Variants in PRMT2 observed in about 807,000 individuals in gnomAD.
The protein encoded by PRMT2 is protein arginine N-methyltransferase 2.
In PRMT2, 26 loss-of-function variants were observed where a neutral mutation model predicts 57.6. That is an observed-to-expected ratio of 0.45 (90% confidence interval 0.33 to 0.63). The LOEUF (loss-of-function observed/expected upper bound fraction) is 0.63. Among genes scored for constraint, PRMT2 ranks in the 20% least tolerant of loss-of-function variants. PRMT2 has a pLI of 0.02. For missense variants in PRMT2, 472 were observed against 564.4 expected (o/e 0.84, Z 1.66); for synonymous variants, 219 against 220.0 (o/e 1.00, Z 0.04).
chr21:46,660,989 C>T (rs1340517053), intron 9 of PRMT2, 27 bp downstream of exon 9: 4 of 1,603,202 alleles, frequency 2.5e-6, no homozygotes, highest in Middle Eastern at 1.7e-4. Context: ...TTGCTCCTTA[C>T]ATTCGATAAT....
At chr21:46,646,009 C>T (rs1024812400) in intron 5 of PRMT2, among the ~76,000 whole-genome samples, 4 of 152,084 alleles carry the variant, frequency 2.6e-5, no homozygotes, top group Non-Finnish European at 5.9e-5. Flanking sequence ...CCATTGCGCC[C>T]GGCCGGAAGG....
intron 8 of PRMT2, 91 bp downstream of exon 8, chr21:46,659,011 G>T: frequency 6.7e-7 from 1 of 1,495,496 alleles, no homozygotes; most frequent in Non-Finnish European, 8.9e-7. Context: ...GATCCCATAC[G>T]ACGGTTGGAT....
chr21:46,644,310 GTTT>G lies in PRMT2; in HGVS notation c.153_155del (p.Phe51del), dbSNP rs1173770323. 1.2e-6 allele frequency: 2 copies of G among 1,600,188 alleles called. No homozygotes were observed. Among genetic ancestry groups the G allele is most frequent in the Admixed American group, 3.6e-5 (2 of 56,116 alleles). ...TTTTAACTTTTTTTTTTCCAGCTCA[GTTT>G]TTTGAGAGGAGAAAAAATTCTTATC... On this transcript the variant is annotated inframe_deletion, in exon 5 of 12. Coordinates refer to ENST00000355680, the MANE Select transcript of PRMT2 (RefSeq NM_206962.4).
Position 46,660,903 on chromosome 21 carries a change from T to C in PRMT2, c.901T>C (p.Ser301Pro), listed in dbSNP as rs745876468. 1 of 1,613,664 alleles carries C rather than the reference T, an allele frequency of 6.2e-7. No homozygotes were observed. Among genetic ancestry groups the C allele is most frequent in the South Asian group, 1.1e-5 (1 of 91,076 alleles). Reference sequence around the variant, plus strand: ...CATTTTGAAACCAGAAGACTGTCTCTCTGAACCGTGCACTATATTGCAGTT... The same window carrying C: ...CATTTTGAAACCAGAAGACTGTCTCCCTGAACCGTGCACTATATTGCAGTT... ...NHILKPEDCL[S>P]EPCTILQLDM... is the part of the protein sequence containing the mutation. The change falls in exon 9 of 12, where the codon TCT becomes CCT. Residue 301 changes from serine to proline, a missense_variant. Ser to Pro is a moderately conservative substitution (Grantham distance 74). This residue lies in a region of PRMT2 where 229 missense variants were observed against 217.2 expected (regional missense o/e 1.05). Coordinates refer to ENST00000355680, the MANE Select transcript of PRMT2 (RefSeq NM_206962.4).
chr21:46,664,205 C>T, intron 11 of PRMT2, 90 bp from the exon 12 acceptor site: 1 of 1,177,928 alleles, frequency 8.5e-7, no homozygotes, highest in South Asian at 1.2e-5. Flanking sequence ...GAATACTGTT[C>T]TCTTGTCCAA....
intron 7 of PRMT2, among the ~76,000 whole-genome samples, chr21:46,650,899 CTG>C (rs1474943852): frequency 1.3e-5 from 2 of 152,186 alleles, no homozygotes; most frequent in African/African-American, 2.4e-5. Context: ...ATTGGCCAGA[CTG>C]TGTTGCATCA....
At chr21:46,660,115 C>G (rs746677812) in intron 8 of PRMT2, 3 of 971,232 alleles carry the variant, frequency 3.1e-6, no homozygotes, top group Non-Finnish European at 3.7e-6. Context: ...ATAGTGGAAT[C>G]TTTATTAAAA....
chr21:46,647,552 A>G (rs1013558531), intron 5 of PRMT2, among the ~76,000 whole-genome samples: 7 of 152,068 alleles, frequency 4.6e-5, no homozygotes, highest in African/African-American at 1.7e-4. Context: ...GAGTGGCTGG[A>G]GTGCGGTGGT....
At chr21:46,643,670 G>C in intron 4 of PRMT2, 31 bp downstream of exon 4, 1 of 1,569,836 alleles carries the variant, frequency 6.4e-7, no homozygotes, top group Non-Finnish European at 8.6e-7. Flanking sequence ...ATGCTTTATG[G>C]CTTTCAGCAT....
chr21:46,644,494 G>A lies in PRMT2; in HGVS notation c.327+6G>A, dbSNP rs2061331481. On this transcript the variant is annotated splice_donor_region_variant and intron_variant, in intron 5 of 11. Transcript: ENST00000355680. ...TCGGCAGCTATGGAACTCTGGTATT[G>A]CTTTCTAAATTCCCTGTTCAGCTGG... is the stretch of plus-strand genomic sequence containing the variant. The A allele has an allele frequency of 6.4e-7, 1 of 1,568,834 alleles. No homozygotes were observed. The highest frequency in any genetic ancestry group is 2.3e-5 in the East Asian group (1 of 43,666).
chr21:46,649,000 G>A lies in PRMT2; in HGVS notation c.489+381G>A, dbSNP rs1471701620. Among the ~76,000 whole-genome samples, 1 of 152,134 alleles carries A rather than the reference G, an allele frequency of 6.6e-6. No individual in the cohort carries two copies. Among genetic ancestry groups the A allele is most frequent in the African/African-American group, 2.4e-5 (1 of 41,406 alleles). ...TGGTTGGTCTCATGGGGTTGGGAGG[G>A]ATGCACACGCTGGGCCCCCTCCCCA... is the stretch of plus-strand genomic sequence containing the variant. On this transcript the variant is annotated intron_variant, in intron 6 of 11. Coordinates refer to ENST00000355680, the MANE Select transcript of PRMT2 (RefSeq NM_206962.4). The surrounding 1 kb of genome is among the most constrained non-coding windows in gnomAD (Gnocchi z 4.8).
intron 3 of PRMT2, among the ~76,000 whole-genome samples, chr21:46,637,803 A>T (rs1294174867): frequency 1.3e-5 from 2 of 151,960 alleles, no homozygotes; most frequent in Non-Finnish European, 2.9e-5. Flanking sequence ...ATATATATGT[A>T]TATGTAAAAA....
chr21:46,654,040 G>A (rs2148992376), intron 7 of PRMT2: 1 of 988,138 alleles, frequency 1.0e-6, no homozygotes, highest in South Asian at 4.6e-5. Context: ...TTCACCTCGG[G>A]GGAGGAGGAA....
Position 46,648,644 on chromosome 21 carries a change from C to G in PRMT2, c.489+25C>G. 2 of 1,605,236 alleles carry G rather than the reference C, an allele frequency of 1.2e-6. No homozygotes were observed. Among genetic ancestry groups the G allele is most frequent in the Non-Finnish European group, 1.7e-6 (2 of 1,172,900 alleles). ...GGTGAGTGGGGTCTCGAGCGCATCCCGGGTGTTTGTGCCGAGGCTGGTGAC... is the reference window on the plus strand; with the variant it reads ...GGTGAGTGGGGTCTCGAGCGCATCCGGGGTGTTTGTGCCGAGGCTGGTGAC... On this transcript the variant is annotated intron_variant, in intron 6 of 11. Coordinates refer to ENST00000355680, the MANE Select transcript of PRMT2 (RefSeq NM_206962.4). This position sits in a 1 kb window ranked among gnomAD's most constrained non-coding sequence, Gnocchi z 4.8.
intron 7 of PRMT2, among the ~76,000 whole-genome samples, chr21:46,655,975 A>G (rs2061536294): frequency 6.6e-6 from 1 of 152,204 alleles, no homozygotes; most frequent in Non-Finnish European, 1.5e-5. Context: ...AACTAGTGCT[A>G]TGGTTTGTCC....
At chr21:46,639,392 A>G (rs976316948) in intron 3 of PRMT2, among the ~76,000 whole-genome samples, 8 of 152,020 alleles carry the variant, frequency 5.3e-5, no homozygotes, top group African/African-American at 1.9e-4. Flanking sequence ...AAATCTCTAT[A>G]TCTTTTCTGA....
chr21:46,643,875 C>T (rs1055880421), intron 4 of PRMT2, among the ~76,000 whole-genome samples: 1 of 152,316 alleles, frequency 6.6e-6, no homozygotes, highest in East Asian at 1.9e-4. Context: ...GTTCTGGTTT[C>T]TACTTGGAAT....
In PRMT2 at chr21:46,660,830, TAGA is replaced by T; in HGVS notation, c.831-2_831del. 6.2e-7 allele frequency: 1 copy of T among 1,613,098 alleles called. No homozygotes were observed. Among genetic ancestry groups the T allele is most frequent in the Non-Finnish European group, 8.5e-7 (1 of 1,179,648 alleles). On this transcript the variant is annotated splice_acceptor_variant and coding_sequence_variant, in exon 9 of 12. Transcript: ENST00000355680. LOFTEE classifies it high-confidence loss of function. The stretch of plus-strand genomic sequence containing the variant: ...CAACAGTCGCTTTGACCTTTTCCCC[TAGA>T]TCTTTAGCAGTTAAGGAGTTTTTTT...
intron 7 of PRMT2, chr21:46,655,032 T>C (rs1156310684): frequency 2.2e-6 from 1 of 461,562 alleles, no homozygotes; most frequent in Non-Finnish European, 2.8e-6. Context: ...ATAGATAACC[T>C]GAATGGTCCA....
Sources: allele counts gnomAD v4.1 joint callset (sites outside exome capture counted in the v4.1 genomes callset), GRCh38; gene constraint gnomAD v4.1.1; regional missense constraint gnomAD v4.1.1; non-coding constraint Gnocchi (gnomAD v3.1); transcripts MANE v1.5; gene names NCBI Gene and HGNC (gene_info 2026-07-23, HGNC 2026-07-21).